Variants in ARHGEF18 observed in about 807,000 individuals in gnomAD.
ARHGEF18 encodes the protein Rho/Rac guanine nucleotide exchange factor 18.
In ARHGEF18, 93 loss-of-function variants were observed where a neutral mutation model predicts 155.7. That is an observed-to-expected ratio of 0.60 (90% CI 0.50 to 0.71). The LOEUF is 0.71. Ranked by LOEUF, ARHGEF18 falls within the 30% of genes least tolerant of loss-of-function variation. The pLI, the probability that ARHGEF18 is intolerant of heterozygous loss-of-function variation, is 0.00. For synonymous variants in ARHGEF18, 742 were observed against 753.1 expected (o/e 0.99, Z 0.24); for missense variants, 1,593 against 1,816.1 (o/e 0.88, Z 2.23).
intron 10 of ARHGEF18, among the ~76,000 whole-genome samples, chr19:7,423,692 G>T (rs1973490873): frequency 6.7e-6 from 1 of 148,814 alleles, no homozygotes; most frequent in Admixed American, 6.8e-5. Context: ...GTGACAGGGC[G>T]AGAGACTCTA....
intron 1 of ARHGEF18, chr19:7,355,556 C>G (rs531650473): frequency 2.0e-5 from 19 of 941,164 alleles, no homozygotes; most frequent in Non-Finnish European, 2.4e-5. Flanking sequence ...GCCCCTCTTA[C>G]TGGCAGCCCC....
chr19:7,463,710 C>T lies in ARHGEF18; in HGVS notation c.2636-108C>T. 7.4e-7 allele frequency: 1 copy of T among 1,349,272 alleles called. No individual in the cohort carries two copies. Among genetic ancestry groups the T allele is most frequent in the Non-Finnish European group, 1.0e-6 (1 of 1,002,182 alleles). The allele number at this position is 1,349,272 out of a possible 1,614,324, so 83.6% of individuals were successfully genotyped here. ...CACAGAAGGGGGCAGGCGATCACCA[C>T]CCCAGTGAGTCCCTCCGTCCACCCG... On this transcript the variant is annotated intron_variant, in intron 21 of 28. Coordinates refer to ENST00000668164, the MANE Select transcript of ARHGEF18 (RefSeq NM_001367823.1). The surrounding 1 kb of genome is among the most constrained non-coding windows in gnomAD (Gnocchi z 5.2).
chr19:7,361,817 A>T (rs952959173), intron 1 of ARHGEF18, among the ~76,000 whole-genome samples: 3 of 151,728 alleles, frequency 2.0e-5, no homozygotes, highest in Non-Finnish European at 4.4e-5. Flanking sequence ...ACATGGTGAA[A>T]CCCCAACTCT....
chr19:7,384,635 C>T (rs1001838345), intron 10 of ARHGEF18, among the ~76,000 whole-genome samples: 1 of 152,112 alleles, frequency 6.6e-6, no homozygotes, highest in Non-Finnish European at 1.5e-5. Context: ...CAATCCCCAT[C>T]CAGCTCTGTG....
At chr19:7,360,255 A>G (rs2145333626) in intron 1 of ARHGEF18, among the ~76,000 whole-genome samples, 1 of 148,600 alleles carries the variant, frequency 6.7e-6, no homozygotes, top group African/African-American at 2.5e-5. Flanking sequence ...TTTTTCTTTG[A>G]GACAGAGTCT....
intron 4 of ARHGEF18, 85 bp downstream of exon 4, chr19:7,375,955 C>T: frequency 8.2e-7 from 1 of 1,225,148 alleles, no homozygotes; most frequent in Non-Finnish European, 1.0e-6. Flanking sequence ...AGAGACTTGC[C>T]AGGGCTGGTG....
At chr19:7,416,060 C>T (rs775311432) in intron 10 of ARHGEF18, among the ~76,000 whole-genome samples, 12 of 152,042 alleles carry the variant, frequency 7.9e-5, no homozygotes, top group East Asian at 1.9e-4. Flanking sequence ...TGGAGTACCA[C>T]GGTTTTCGCA....
chr19:7,365,951 T>C (rs1218212148), intron 2 of ARHGEF18, among the ~76,000 whole-genome samples: 1 of 152,092 alleles, frequency 6.6e-6, no homozygotes, highest in Non-Finnish European at 1.5e-5. Flanking sequence ...TGAACACATA[T>C]GTATTTTTTT....
At chr19:7,468,145 G>C (rs1393739723) in intron 26 of ARHGEF18, among the ~76,000 whole-genome samples, 1 of 151,794 alleles carries the variant, frequency 6.6e-6, no homozygotes, top group Admixed American at 6.6e-5. Context: ...AGGCTGCCAT[G>C]AGCCGTGATC....
intron 15 of ARHGEF18, among the ~76,000 whole-genome samples, chr19:7,450,715 GCAA>G (rs796463983): frequency 2.0e-4 from 2 of 9,958 alleles, no homozygotes; most frequent in Non-Finnish European, 4.6e-4. Context: ...AGATGTTAAT[GCAA>G]GATCTTGCTT....
At chr19:7,455,828 C>T (rs978680781) in intron 17 of ARHGEF18, among the ~76,000 whole-genome samples, 8 of 151,548 alleles carry the variant, frequency 5.3e-5, no homozygotes, top group African/African-American at 2.0e-4. Flanking sequence ...AGAGAGGGAG[C>T]TTGTGCAGGG....
At chr19:7,370,994 T>A (rs6603116) in intron 2 of ARHGEF18, among the ~76,000 whole-genome samples, 29,792 of 151,708 alleles carry the variant, frequency 0.2, 6,702 homozygotes, top group African/African-American at 0.54. Context: ...CACTTCAGCT[T>A]TGACCTCCCA....
rs144386852 is a variant in ARHGEF18, at chr19:7,421,510, C to T, written c.968-18834C>T. On this transcript the variant is annotated intron_variant, in intron 10 of 28. Coordinates refer to ENST00000668164, the MANE Select transcript of ARHGEF18 (RefSeq NM_001367823.1). ...TTGCAGTGGCTCACACCTGTAATCC[C>T]AGCACTTTGGGAGGCCAAGGCAGGC... 1.6e-4 allele frequency among the ~76,000 whole-genome samples: 24 copies of T among 152,268 alleles called. No homozygotes were observed. The East Asian group carries it at 4.6e-3, about 29-fold the overall frequency.
At chr19:7,422,412 A>T (rs183201498) in intron 10 of ARHGEF18, among the ~76,000 whole-genome samples, 286 of 145,322 alleles carry the variant, frequency 2.0e-3, no homozygotes, top group Non-Finnish European at 3.1e-3. Context: ...ATATGCCATC[A>T]TTCCCCCTGT....
chr19:7,350,209 T>C (rs187276740), intron 1 of ARHGEF18, among the ~76,000 whole-genome samples: 1 of 152,132 alleles, frequency 6.6e-6, no homozygotes, highest in African/African-American at 2.4e-5. Flanking sequence ...CCCCCAATGC[T>C]GCAGGGCAGG....
At chr19:7,376,825 A>G in intron 5 of ARHGEF18, 68 bp downstream of exon 5, 1 of 1,083,468 alleles carries the variant, frequency 9.2e-7, no homozygotes, top group Non-Finnish European at 1.2e-6. Context: ...CAACATGGTG[A>G]AACCCTGTTG....
At chr19:7,371,415 G>A (rs1970199457) in intron 2 of ARHGEF18, among the ~76,000 whole-genome samples, 1 of 152,184 alleles carries the variant, frequency 6.6e-6, no homozygotes, top group African/African-American at 2.4e-5. Flanking sequence ...GGGTACAGTG[G>A]CTCACGCCTG....
intron 10 of ARHGEF18, among the ~76,000 whole-genome samples, chr19:7,388,842 A>G (rs1197696272): frequency 6.6e-6 from 1 of 151,976 alleles, no homozygotes; most frequent in East Asian, 1.9e-4. Context: ...CAGCCTTCCA[A>G]AATGCTAGGA....
intron 10 of ARHGEF18, among the ~76,000 whole-genome samples, chr19:7,426,023 T>C (rs996858327): frequency 2.8e-5 from 4 of 143,918 alleles, no homozygotes; most frequent in Non-Finnish European, 6.1e-5. Flanking sequence ...AATAAGAAAA[T>C]AGGAAATTAG....
Sources: allele counts gnomAD v4.1 joint callset (sites outside exome capture counted in the v4.1 genomes callset), GRCh38; gene constraint gnomAD v4.1.1; non-coding constraint Gnocchi (gnomAD v3.1); transcripts MANE v1.5; gene names NCBI Gene and HGNC (gene_info 2026-07-23, HGNC 2026-07-21).